The following GLI2 variants were observed in gnomAD, a reference collection of about 807,000 sequenced individuals.
GLI2 encodes the protein transcription activator GLI2.
GLI2 carries 22 observed loss-of-function variants against 78.9 expected under a neutral mutation model. The observed-to-expected ratio is 0.28, with a 90% confidence interval of 0.20 to 0.40. The LOEUF is 0.40. Among genes scored for constraint, GLI2 ranks in the 10% least tolerant of loss-of-function variants. The pLI is 1.00. For synonymous variants in GLI2, 974 were observed against 963.7 expected (o/e 1.01, Z -0.20); for missense variants, 2,097 against 2,213.2 (o/e 0.95, Z 1.05).
intron 3 of GLI2, among the ~76,000 whole-genome samples, chr2:120,942,375 C>G (rs1680489948): frequency 6.6e-6 from 1 of 152,182 alleles, no homozygotes; most frequent in Non-Finnish European, 1.5e-5. Context: ...GCCAACTTTC[C>G]TTGGCTCCTG....
intron 2 of GLI2, among the ~76,000 whole-genome samples, chr2:120,915,546 T>C (rs1478171939): frequency 2.0e-5 from 3 of 152,214 alleles, no homozygotes; most frequent in Admixed American, 1.3e-4. Flanking sequence ...TGGTGCCATT[T>C]GCATAAGGCC....
chr2:120,891,156 C>T (rs1235186283), intron 2 of GLI2, among the ~76,000 whole-genome samples: 1 of 152,160 alleles, frequency 6.6e-6, no homozygotes, highest in Non-Finnish European at 1.5e-5. Context: ...GAATGCCACA[C>T]AGGAAGGTGC....
At chr2:120,743,777 C>A (rs1682620129) in intron 1 of GLI2, among the ~76,000 whole-genome samples, 1 of 152,236 alleles carries the variant, frequency 6.6e-6, no homozygotes, top group East Asian at 1.9e-4. Context: ...TAGATGTCAT[C>A]TCTCAGGTCC....
At chr2:120,774,625 TA>T (rs1683625220) in intron 1 of GLI2, among the ~76,000 whole-genome samples, 1 of 152,196 alleles carries the variant, frequency 6.6e-6, no homozygotes, top group South Asian at 2.1e-4. Context: ...AAAATTGAAA[TA>T]AAACCCCTGT....
At chr2:120,967,876 G>A (rs2677527) in intron 5 of GLI2, among the ~76,000 whole-genome samples, 119,247 of 152,220 alleles carry the variant, frequency 0.78, 51,780 homozygotes, top group East Asian at 1. Flanking sequence ...TGTCCTCCCT[G>A]CCCTGTTACA....
At chr2:120,863,259 C>G (rs920049544) in intron 2 of GLI2, among the ~76,000 whole-genome samples, 1 of 152,224 alleles carries the variant, frequency 6.6e-6, no homozygotes, top group Non-Finnish European at 1.5e-5. Flanking sequence ...CTCCGGCAGC[C>G]GACCACTGCC....
intron 10 of GLI2, 59 bp downstream of exon 10, chr2:120,978,642 G>A (rs965507015): frequency 1.5e-5 from 24 of 1,573,468 alleles, no homozygotes; most frequent in South Asian, 6.7e-5. Flanking sequence ...CAGCCAGGCC[G>A]GGGGGATCAT....
intron 3 of GLI2, among the ~76,000 whole-genome samples, chr2:120,931,242 T>G (rs1679931497): frequency 6.6e-6 from 1 of 152,238 alleles, no homozygotes; most frequent in Admixed American, 6.5e-5. Context: ...ATTTCTAGGT[T>G]CTGGAGGTTG....
intron 1 of GLI2, among the ~76,000 whole-genome samples, chr2:120,755,311 A>T (rs976061886): frequency 1.3e-5 from 2 of 152,132 alleles, no homozygotes; most frequent in Non-Finnish European, 2.9e-5. Flanking sequence ...GTGTATAGTG[A>T]TATATTATTG....
intron 1 of GLI2, among the ~76,000 whole-genome samples, chr2:120,769,101 G>T (rs927155544): frequency 5.9e-5 from 9 of 152,170 alleles, no homozygotes; most frequent in Admixed American, 5.2e-4. Context: ...TCTCTGACAG[G>T]AAGTAGCTCC....
rs866819269 is a variant in GLI2 at position 120,916,590 on chromosome 2, C to T, written c.149-10771C>T. Among the ~76,000 whole-genome samples, 8 of 152,344 alleles carry T rather than the reference C, an allele frequency of 5.3e-5. No individual in the cohort carries two copies. The Middle Eastern group carries it at 0.01, about 194-fold the overall frequency. ...GCTGTGGCAGTGGCTTACACAGCAGCGCCCCGGGGCACTCCCTGTGGGCAG... is the reference window on the plus strand; with the variant it reads ...GCTGTGGCAGTGGCTTACACAGCAGTGCCCCGGGGCACTCCCTGTGGGCAG... On this transcript the variant is annotated intron_variant, in intron 2 of 13. Coordinates refer to ENST00000361492, the MANE Select transcript of GLI2 (RefSeq NM_001374353.1).
At chr2:120,854,751 TGC>T (rs1181699489) in intron 2 of GLI2, among the ~76,000 whole-genome samples, 2 of 152,236 alleles carry the variant, frequency 1.3e-5, no homozygotes, top group African/African-American at 4.8e-5. Context: ...AATTATCAGG[TGC>T]ATCAGAATCA....
chr2:120,933,564 G>A (rs17005424), intron 3 of GLI2, among the ~76,000 whole-genome samples: 5,548 of 152,280 alleles, frequency 0.036, 303 homozygotes, highest in African/African-American at 0.12. Flanking sequence ...GACGCTAACA[G>A]GAAAGAGAAG....
At chr2:120,784,897 A>G (rs1202189474) in intron 1 of GLI2, among the ~76,000 whole-genome samples, 3 of 151,758 alleles carry the variant, frequency 2.0e-5, no homozygotes, top group Non-Finnish European at 4.4e-5. Context: ...CGGTCTCCCC[A>G]CCCCACACCT....
intron 1 of GLI2, among the ~76,000 whole-genome samples, chr2:120,746,686 C>A (rs707486): frequency 0.5 from 76,319 of 151,998 alleles, 19,391 homozygotes; most frequent in Middle Eastern, 0.57. Flanking sequence ...TAAAAAAAGC[C>A]GCAAAACATT....
At chr2:120,874,556 C>T (rs1021186527) in intron 2 of GLI2, among the ~76,000 whole-genome samples, 1 of 152,156 alleles carries the variant, frequency 6.6e-6, no homozygotes, top group African/African-American at 2.4e-5. Context: ...TCTGTGTAGA[C>T]AGGCCGGCGT....
chr2:120,736,882 C>A (rs1021701093), intron 1 of GLI2, among the ~76,000 whole-genome samples: 1 of 150,390 alleles, frequency 6.6e-6, no homozygotes, highest in South Asian at 2.2e-4. Flanking sequence ...TCGGCCCCCC[C>A]TCTTTGCCTC....
intron 2 of GLI2, among the ~76,000 whole-genome samples, chr2:120,907,933 C>T (rs772251603): frequency 6.6e-6 from 1 of 152,208 alleles, no homozygotes; most frequent in East Asian, 1.9e-4. Context: ...CTATCAGGAA[C>T]GATGCAGCTG....
rs372246609 is a variant in GLI2, at chr2:120,748,537, C to T, written c.-31+12252C>T. On this transcript the variant is annotated intron_variant, in intron 1 of 13. Transcript: ENST00000361492. ...GGCCTCTGGTATGTGGGAGAGTCAG[C>T]GTGGGGTTGCCTCCAAGGGGTGGCT... Among the ~76,000 whole-genome samples the T allele has an allele frequency of 3.3e-5, 5 of 152,218 alleles. No homozygotes were observed. In the East Asian group the frequency reaches 7.7e-4, roughly 24 times the overall value.
Sources: allele counts gnomAD v4.1 joint callset (sites outside exome capture counted in the v4.1 genomes callset), GRCh38; gene constraint gnomAD v4.1.1; transcripts MANE v1.5; gene names NCBI Gene and HGNC (gene_info 2026-07-23, HGNC 2026-07-21).